The following CNTLN variants were observed in gnomAD, a reference collection of about 807,000 sequenced individuals.
CNTLN encodes the protein centlein, centrosomal protein.
CNTLN carries 212 observed loss-of-function variants against 180.0 expected under a neutral mutation model. That is an observed-to-expected ratio of 1.18 (90% CI 1.05 to 1.32). The LOEUF is 1.32. CNTLN is among the 40% of genes most tolerant of loss of function. The probability of loss-of-function intolerance (pLI) is 0.00; values close to 1 mark genes in which losing one functional copy is unlikely to be tolerated. For missense variants in CNTLN, 2,095 were observed against 1,610.9 expected (o/e 1.30, Z -5.14); for synonymous variants, 722 against 563.1 (o/e 1.28, Z -3.99).
At chr9:17,456,619 T>A (rs1831132670) in intron 18 of CNTLN, among the ~76,000 whole-genome samples, 1 of 152,172 alleles carries the variant, frequency 6.6e-6, no homozygotes, top group Admixed American at 6.5e-5. Context: ...CTATTTCTAA[T>A]TGGAATTTCA....
intron 2 of CNTLN, chr9:17,168,390 A>G (rs1031925456): frequency 9.2e-5 from 14 of 152,178 alleles, no homozygotes; most frequent in African/African-American, 3.4e-4. Context: ...ATATCCCCAA[A>G]TTTAAGAAAT....
At chr9:17,182,129 C>A (rs531338008) in intron 2 of CNTLN, among the ~76,000 whole-genome samples, 1 of 151,842 alleles carries the variant, frequency 6.6e-6, no homozygotes, top group South Asian at 2.1e-4. Flanking sequence ...AGGCTCCTCT[C>A]GTGGCCTTTG....
chr9:17,440,613 C>T (rs1398231379), intron 18 of CNTLN, among the ~76,000 whole-genome samples: 1 of 142,656 alleles, frequency 7.0e-6, no homozygotes, highest in African/African-American at 2.6e-5. Context: ...GAACTGAAAA[C>T]ATAAGTTCAC....
intron 25 of CNTLN, among the ~76,000 whole-genome samples, chr9:17,497,883 T>A (rs1212970467): frequency 1.3e-5 from 2 of 152,210 alleles, no homozygotes; most frequent in African/African-American, 4.8e-5. Flanking sequence ...TGTGTGCTTG[T>A]ATGTATATAT....
chr9:17,527,494 C>T, the CNTLN span, among the ~76,000 whole-genome samples: 1 of 152,146 alleles, frequency 6.6e-6, no homozygotes, highest in Middle Eastern at 3.2e-3. Context: ...TTCTGCGATG[C>T]ATGTATACTG....
chr9:17,337,016 A>G (rs1821091264), intron 10 of CNTLN, among the ~76,000 whole-genome samples: 2 of 152,136 alleles, frequency 1.3e-5, no homozygotes, highest in Admixed American at 6.6e-5. Flanking sequence ...TCTAACTGGC[A>G]TGAGATGGTA....
intron 23 of CNTLN, among the ~76,000 whole-genome samples, chr9:17,481,631 G>C (rs987863546): frequency 1.3e-5 from 2 of 152,190 alleles, no homozygotes; most frequent in African/African-American, 4.8e-5. Flanking sequence ...AGCAATATTT[G>C]ACCAGAGAGC....
At chr9:17,421,004 C>T (rs1361813116) in intron 18 of CNTLN, among the ~76,000 whole-genome samples, 1 of 152,080 alleles carries the variant, frequency 6.6e-6, no homozygotes, top group Non-Finnish European at 1.5e-5. Flanking sequence ...GAGACTCATC[C>T]ATATGCTAAG....
At chr9:17,471,316 C>T (rs564478997) in intron 23 of CNTLN, among the ~76,000 whole-genome samples, 6 of 152,002 alleles carry the variant, frequency 3.9e-5, no homozygotes, top group African/African-American at 1.4e-4. Flanking sequence ...GTATCGCAGA[C>T]AAAGACTCAA....
chr9:17,218,756 C>G (rs1823933648), intron 2 of CNTLN, among the ~76,000 whole-genome samples: 1 of 151,994 alleles, frequency 6.6e-6, no homozygotes. Context: ...GTAAGTTTTG[C>G]TTTTTTATTT....
intron 7 of CNTLN, chr9:17,301,238 C>T: frequency 1.0e-6 from 1 of 985,416 alleles, no homozygotes; most frequent in Non-Finnish European, 1.2e-6. Flanking sequence ...AGCTTATATG[C>T]CCCTATTTGG....
chr9:17,387,176 C>A (rs953468208), intron 13 of CNTLN, among the ~76,000 whole-genome samples: 2 of 152,152 alleles, frequency 1.3e-5, no homozygotes, highest in African/African-American at 4.8e-5. Context: ...AGGAGGATTT[C>A]TACTCTACAG....
At chr9:17,182,865 T>G (rs547443692) in intron 2 of CNTLN, among the ~76,000 whole-genome samples, 1 of 152,334 alleles carries the variant, frequency 6.6e-6, no homozygotes, top group South Asian at 2.1e-4. Context: ...GAAGCTGTAT[T>G]CAGTTGGGCA....
Position 17,471,251 on chromosome 9 carries a change from T to G in CNTLN, c.3855+4360T>G, listed in dbSNP as rs77456187. Among the ~76,000 whole-genome samples, 200 of 152,080 alleles carry G rather than the reference T, an allele frequency of 1.3e-3. 1 individual carries two copies. The highest frequency in any genetic ancestry group is 4.6e-3 in the African/African-American group (189 of 41,510). ...TTTTTGCCTTCCTCACAATGTAATC[T>G]TACTGAAAAAAGTCCAAGCAATCCA... On this transcript the variant is annotated intron_variant, in intron 23 of 25. Transcript: ENST00000380647.
intron 15 of CNTLN, among the ~76,000 whole-genome samples, chr9:17,405,796 T>A (rs1240071351): frequency 6.6e-6 from 1 of 151,684 alleles, no homozygotes; most frequent in Non-Finnish European, 1.5e-5. Flanking sequence ...TATTATTATT[T>A]TTATTTTTTT....
rs776161146 is a variant in CNTLN, at chr9:17,342,454, A to G, written c.1886+10A>G. 4.4e-6 allele frequency: 7 copies of G among 1,593,676 alleles called. No individual in the cohort carries two copies. On this transcript the variant is annotated intron_variant, in intron 12 of 25. Coordinates refer to ENST00000380647, the MANE Select transcript of CNTLN (RefSeq NM_017738.4). ...AGCTAATGATTCAAAAGTGAGTTTC[A>G]TTTTTAACAATATGGACTTAGATAA... is the stretch of plus-strand genomic sequence containing the variant.
intron 2 of CNTLN, among the ~76,000 whole-genome samples, chr9:17,161,136 T>A (rs1819650095): frequency 6.6e-6 from 1 of 152,138 alleles, no homozygotes. Flanking sequence ...AAGTTTATGT[T>A]GTTGAAAGTC....
chr9:17,214,850 A>T (rs1357499741), intron 2 of CNTLN, among the ~76,000 whole-genome samples: 1 of 152,162 alleles, frequency 6.6e-6, no homozygotes, highest in Non-Finnish European at 1.5e-5. Context: ...CAAATTGGCT[A>T]CTGAAACTTG....
Position 17,332,679 on chromosome 9 carries a change from G to C in CNTLN, c.1593G>C (p.Leu531=). ...CAGACTCAGAAGAGCTACAGAAGCT[G>C]AGAAAAGCTGAAAGAAAGATTGAAA... ...SFTDSEELQK[L]RKAERKIENL... is the part of the protein sequence containing the mutation. The change falls in exon 10 of 26, where the codon CTG becomes CTC. Residue 531 remains leucine, a synonymous_variant. Transcript: ENST00000380647. The C allele has an allele frequency of 6.2e-7, 1 of 1,607,300 alleles. No individual in the cohort carries two copies. The highest frequency in any genetic ancestry group is 8.5e-7 in the Non-Finnish European group (1 of 1,177,408).
Sources: gnomAD v4.1 joint callset for allele counts (sites outside exome capture counted in the v4.1 genomes callset) on GRCh38, gnomAD v4.1.1 for gene constraint, MANE v1.5 for transcripts, NCBI Gene and HGNC (gene_info 2026-07-23, HGNC 2026-07-21) for gene names.